DNAH6: variants seen among roughly 807,000 people sequenced by gnomAD.
DNAH6 encodes the protein dynein axonemal heavy chain 6.
DNAH6 carries 340 observed loss-of-function variants against 491.4 expected under a neutral mutation model. The observed-to-expected ratio is 0.69, with a 90% CI of 0.63 to 0.76. The LOEUF (loss-of-function observed/expected upper bound fraction) is 0.76, where lower values mean the gene tolerates loss of function less well. DNAH6 is among the 30% of genes least tolerant of loss of function. The pLI is 0.00. For synonymous variants in DNAH6, 1,603 were observed against 1,686.1 expected (o/e 0.95, Z 1.21); for missense variants, 4,443 against 4,972.2 (o/e 0.89, Z 3.20).
intron 47 of DNAH6, among the ~76,000 whole-genome samples, chr2:84,698,211 C>T (rs1695568004): frequency 2.0e-5 from 3 of 152,154 alleles, no homozygotes; most frequent in Admixed American, 2.0e-4. Flanking sequence ...ACTTGTTCAC[C>T]CCAGCTTTTT....
intron 64 of DNAH6, among the ~76,000 whole-genome samples, chr2:84,772,496 A>C (rs1191796185): frequency 2.6e-5 from 4 of 152,096 alleles, no homozygotes; most frequent in Non-Finnish European, 5.9e-5. Context: ...AAAAGAGCTG[A>C]AGTGGCTATA....
chr2:84,607,696 G>T, intron 21 of DNAH6, among the ~76,000 whole-genome samples: 1 of 152,136 alleles, frequency 6.6e-6, no homozygotes, highest in East Asian at 1.9e-4. Flanking sequence ...CATTAAGTGT[G>T]CAATACTATA....
At position 84,697,558 on chromosome 2, in the gene DNAH6, A is replaced by G; in HGVS notation, c.7525-17A>G. ...AATGATTGAGCAAGTTGTAATGATCACTGCTTTCTTCTACAGATTGTAGTG... is the reference window on the plus strand; with the variant it reads ...AATGATTGAGCAAGTTGTAATGATCGCTGCTTTCTTCTACAGATTGTAGTG... On this transcript the variant is annotated splice_polypyrimidine_tract_variant and intron_variant, in intron 46 of 76. Coordinates refer to ENST00000389394, the MANE Select transcript of DNAH6 (RefSeq NM_001370.2). The G allele has an allele frequency of 6.5e-7, 1 of 1,538,556 alleles. No individual in the cohort carries two copies.
In DNAH6 at chr2:84,706,830, T is replaced by A. The variant is rs373399203; in HGVS notation, c.8728-66T>A. On this transcript the variant is annotated intron_variant, in intron 52 of 76. Coordinates refer to ENST00000389394, the MANE Select transcript of DNAH6 (RefSeq NM_001370.2). ...ATATATAAAATTTTTTTTAGATCTG[T>A]ATTATTAATGGGCAAATTCAGCCTT... The A allele has an allele frequency of 4.6e-5, 69 of 1,498,068 alleles. 2 individuals carry two copies. The highest frequency in any genetic ancestry group is 3.1e-4 in the East Asian group (12 of 38,992). 92.8% of individuals were successfully genotyped at this position (1,498,068 alleles called of 1,614,324 possible). A position where few individuals can be genotyped will look rare whatever the true frequency, so the allele number is the denominator to read the frequency against.
intron 64 of DNAH6, among the ~76,000 whole-genome samples, chr2:84,771,881 C>T (rs561227828): frequency 7.0e-4 from 107 of 152,152 alleles, no homozygotes; most frequent in African/African-American, 2.5e-3. Flanking sequence ...TGAATTCACA[C>T]GAAGAAATAA....
intron 33 of DNAH6, among the ~76,000 whole-genome samples, chr2:84,650,725 G>A (rs1487638696): frequency 1.3e-5 from 2 of 152,106 alleles, no homozygotes; most frequent in Non-Finnish European, 2.9e-5. Context: ...TATCCCTTAA[G>A]AAATAAAATA....
Position 84,529,146 on chromosome 2 carries a change from A to C in DNAH6, c.642A>C (p.Glu214Asp). The C allele has an allele frequency of 6.5e-7, 1 of 1,546,628 alleles. No individual in the cohort carries two copies. The highest frequency in any genetic ancestry group is 8.7e-7 in the Non-Finnish European group (1 of 1,143,196). ...CTGCAGTGCCAAGATCATCCATTGA[A>C]TATGATACATATAATCTAAAGTGAG... ...MIPAVPRSSI[E>D]YDTYNLKVVS... Residue 214 changes from glutamate (E) to aspartate (D), a missense_variant, in exon 4 of 77, where the codon GAA becomes GAC. Physicochemically the swap from Glu to Asp is conservative, Grantham distance 45 (BLOSUM62 2). Around this residue, in one of 3 missense-constraint regions of DNAH6, gnomAD observed 2,977 missense variants for 3,296.6 expected, o/e 0.90. Coordinates refer to ENST00000389394, the MANE Select transcript of DNAH6 (RefSeq NM_001370.2).
chr2:84,658,275 A>G lies in DNAH6; in HGVS notation c.5758-17A>G, dbSNP rs1691171213. On this transcript the variant is annotated splice_polypyrimidine_tract_variant and intron_variant, in intron 35 of 76. Coordinates refer to ENST00000389394, the MANE Select transcript of DNAH6 (RefSeq NM_001370.2). ...ATTTATCAGGTCTTGCTAAACTATCATTTGTTTCATTTTCAGCTGACTGAG... is the reference window on the plus strand; with the variant it reads ...ATTTATCAGGTCTTGCTAAACTATCGTTTGTTTCATTTTCAGCTGACTGAG... 1.3e-6 allele frequency: 2 copies of G among 1,488,852 alleles called. No homozygotes were observed. Among genetic ancestry groups the G allele is most frequent in the Non-Finnish European group, 1.8e-6 (2 of 1,114,460 alleles). 92.2% of individuals were successfully genotyped at this position (1,488,852 alleles called of 1,614,324 possible). A position where few individuals can be genotyped will look rare whatever the true frequency, so the allele number is the denominator to read the frequency against.
intron 58 of DNAH6, among the ~76,000 whole-genome samples, chr2:84,717,000 C>T (rs1324363378): frequency 6.6e-6 from 1 of 152,150 alleles, no homozygotes; most frequent in Non-Finnish European, 1.5e-5. Context: ...CTCAGATCCT[C>T]TCAATTTTGA....
At chr2:84,756,119 G>A (rs145168554) in intron 63 of DNAH6, among the ~76,000 whole-genome samples, 2 of 152,290 alleles carry the variant, frequency 1.3e-5, no homozygotes, top group African/African-American at 4.8e-5. Context: ...TATCAGCAGC[G>A]TGAAAATGGA....
chr2:84,566,900 G>A (rs1034497382), intron 11 of DNAH6, among the ~76,000 whole-genome samples: 2 of 151,950 alleles, frequency 1.3e-5, no homozygotes, highest in Non-Finnish European at 1.5e-5. Flanking sequence ...TTTCATAAAC[G>A]TAGCTGGTAC....
intron 61 of DNAH6, 65 bp from the exon 62 acceptor site, chr2:84,733,379 A>T: frequency 7.1e-7 from 1 of 1,415,316 alleles, no homozygotes; most frequent in Admixed American, 2.0e-5. Context: ...TTTCACTTGG[A>T]CAAAGTGAAA....
At chr2:84,568,736 T>A (rs898516416) in intron 11 of DNAH6, among the ~76,000 whole-genome samples, 1 of 152,018 alleles carries the variant, frequency 6.6e-6, no homozygotes, top group African/African-American at 2.4e-5. Flanking sequence ...AATTTAATTT[T>A]AAAAAAAGAA....
At chr2:84,549,203 C>T (rs895480009) in intron 8 of DNAH6, among the ~76,000 whole-genome samples, 2 of 152,190 alleles carry the variant, frequency 1.3e-5, no homozygotes, top group African/African-American at 4.8e-5. Flanking sequence ...TATTGTTATT[C>T]AGTGCTCACT....
the DNAH6 span, among the ~76,000 whole-genome samples, chr2:84,470,293 G>A: frequency 6.6e-6 from 1 of 152,146 alleles, no homozygotes; most frequent in Non-Finnish European, 1.5e-5. Flanking sequence ...AGGGTTCTTG[G>A]ATCTTGCACA....
chr2:84,814,229 A>G, intron 75 of DNAH6, 107 bp downstream of exon 75: 1 of 1,208,332 alleles, frequency 8.3e-7, no homozygotes, highest in Non-Finnish European at 1.1e-6. Context: ...CATTGGCAGG[A>G]GCAGGAAGGG....
At chr2:84,741,851 A>G (rs1672554981) in intron 62 of DNAH6, among the ~76,000 whole-genome samples, 1 of 152,144 alleles carries the variant, frequency 6.6e-6, no homozygotes, top group Non-Finnish European at 1.5e-5. Context: ...GCAGTTCCAT[A>G]TGTCAGGCAC....
At chr2:84,679,049 A>G (rs1317491614) in intron 41 of DNAH6, among the ~76,000 whole-genome samples, 16 of 152,308 alleles carry the variant, frequency 1.1e-4, no homozygotes, top group African/African-American at 2.4e-5. Context: ...TGGAGGAAAA[A>G]GAACTTGGAT....
Position 84,745,615 on chromosome 2 carries a change from G to A in DNAH6, c.10512+366G>A, listed in dbSNP as rs566585045. 1.3e-3 allele frequency among the ~76,000 whole-genome samples: 190 copies of A among 148,908 alleles called. 1 individual carries two copies. The highest frequency in any genetic ancestry group is 4.4e-3 in the African/African-American group (175 of 40,094). On this transcript the variant is annotated intron_variant, in intron 63 of 76. Coordinates refer to ENST00000389394, the MANE Select transcript of DNAH6 (RefSeq NM_001370.2). ...CAGGAGGCAGAGCTTGCAGTGAGCC[G>A]AGATCGCGCCACTGCACTCCAGCCT... is the stretch of plus-strand genomic sequence containing the variant.
Sources: allele counts gnomAD v4.1 joint callset (sites outside exome capture counted in the v4.1 genomes callset), GRCh38; gene constraint gnomAD v4.1.1; regional missense constraint gnomAD v4.1.1; transcripts MANE v1.5; gene names NCBI Gene and HGNC (gene_info 2026-07-23, HGNC 2026-07-21).